The following RHEX variants were observed in gnomAD, a reference collection of about 807,000 sequenced individuals.
RHEX encodes regulator of hemoglobinization and erythroid cell expansion, also known as regulator of hemoglobinization and erythroid cell expansion protein.
RHEX carries 18 observed loss-of-function variants against 20.1 expected under a neutral mutation model. That is an observed-to-expected ratio of 0.90 (90% CI 0.62 to 1.33). The LOEUF is 1.33. Among genes scored for constraint, RHEX ranks in the 40% most tolerant of loss-of-function variants. The probability of loss-of-function intolerance (pLI) is 0.00; values close to 1 mark genes in which losing one functional copy is unlikely to be tolerated. For synonymous variants in RHEX, 87 were observed against 77.1 expected (o/e 1.13, Z -0.67); for missense variants, 192 against 214.3 (o/e 0.90, Z 0.65).
At chr1:206,064,142 G>A (rs1430728267) in intron 1 of RHEX, among the ~76,000 whole-genome samples, 1 of 148,532 alleles carries the variant, frequency 6.7e-6, no homozygotes, top group Non-Finnish European at 1.5e-5. Flanking sequence ...GAAGTGAGGA[G>A]ACCCTCCGCC....
chr1:206,053,365 C>G (rs1553282071), intron 1 of RHEX, 100 bp downstream of exon 1: 1 of 152,710 alleles, frequency 6.5e-6, no homozygotes. Flanking sequence ...CTGGTTTTGA[C>G]TTGACTTAGA....
chr1:206,090,399 G>C (rs1219481544), intron 1 of RHEX, among the ~76,000 whole-genome samples: 1 of 151,548 alleles, frequency 6.6e-6, no homozygotes, highest in Non-Finnish European at 1.5e-5. Flanking sequence ...ATAGAGACAG[G>C]TTTCACCATC....
At chr1:206,081,066 C>G (rs1239613920) in intron 1 of RHEX, among the ~76,000 whole-genome samples, 1 of 152,026 alleles carries the variant, frequency 6.6e-6, no homozygotes, top group Admixed American at 6.6e-5. Flanking sequence ...GTCTCAAACT[C>G]CTGGGCGCAA....
chr1:206,068,821 T>C (rs782220774), intron 1 of RHEX, among the ~76,000 whole-genome samples: 2 of 152,236 alleles, frequency 1.3e-5, no homozygotes, highest in Non-Finnish European at 2.9e-5. Context: ...CTTCAAACTC[T>C]CTTTTATTTC....
At chr1:206,068,712 G>C (rs1662475132) in intron 1 of RHEX, among the ~76,000 whole-genome samples, 1 of 152,220 alleles carries the variant, frequency 6.6e-6, no homozygotes, top group Non-Finnish European at 1.5e-5. Context: ...GTTGACCTCA[G>C]CATAAAACTT....
At chr1:206,058,013 G>A (rs1558167228) in intron 1 of RHEX, among the ~76,000 whole-genome samples, 3 of 152,270 alleles carry the variant, frequency 2.0e-5, no homozygotes, top group East Asian at 1.9e-4. Flanking sequence ...GCAGCTGAAG[G>A]AGGAGTTTGT....
At chr1:206,088,844 A>G (rs1405206116) in intron 1 of RHEX, among the ~76,000 whole-genome samples, 1 of 151,698 alleles carries the variant, frequency 6.6e-6, no homozygotes, top group African/African-American at 2.4e-5. Context: ...TTTTTGAGAC[A>G]GGGTCTCACG....
chr1:206,055,533 ACT>A (rs1553282491), intron 1 of RHEX, among the ~76,000 whole-genome samples: 2 of 152,250 alleles, frequency 1.3e-5, no homozygotes, highest in Admixed American at 6.5e-5. Context: ...GGGTCTTTCA[ACT>A]CTCACATCTA....
At chr1:206,053,702 G>A in intron 1 of RHEX, among the ~76,000 whole-genome samples, 1 of 152,340 alleles carries the variant, frequency 6.6e-6, no homozygotes, top group Middle Eastern at 3.4e-3. Flanking sequence ...AGGTGGGTTG[G>A]CCATCAGAAG....
chr1:206,077,842 A>G (rs1553285434), intron 1 of RHEX, among the ~76,000 whole-genome samples: 1 of 152,192 alleles, frequency 6.6e-6, no homozygotes, highest in African/African-American at 2.4e-5. Flanking sequence ...TTAAGGGCAC[A>G]TCACATTTTT....
chr1:206,101,097 G>C, intron 4 of RHEX, 39 bp from the exon 5 acceptor site: 1 of 1,554,918 alleles, frequency 6.4e-7, no homozygotes, highest in South Asian at 1.1e-5. Context: ...ACACCCTCTG[G>C]CTTGCTTTGG....
At chr1:206,080,666 G>A (rs1411161120) in intron 1 of RHEX, among the ~76,000 whole-genome samples, 5 of 152,056 alleles carry the variant, frequency 3.3e-5, no homozygotes, top group Admixed American at 6.5e-5. Context: ...TCCTACCCTC[G>A]GGGCAGGAGT....
intron 4 of RHEX, 87 bp from the exon 5 acceptor site, chr1:206,101,049 A>G (rs1370220923): frequency 6.6e-6 from 7 of 1,062,264 alleles, no homozygotes; most frequent in Non-Finnish European, 8.3e-6. Context: ...ATCTGATAAT[A>G]AGACAATTCT....
At chr1:206,053,703 C>T (rs1571845931) in intron 1 of RHEX, among the ~76,000 whole-genome samples, 1 of 152,176 alleles carries the variant, frequency 6.6e-6, no homozygotes, top group East Asian at 1.9e-4. Context: ...GGTGGGTTGG[C>T]CATCAGAAGG....
chr1:206,101,538 TC>T (rs1404376848), intron 5 of RHEX, among the ~76,000 whole-genome samples: 1 of 152,216 alleles, frequency 6.6e-6, no homozygotes, highest in Non-Finnish European at 1.5e-5. Context: ...CTCCACCTGC[TC>T]GTCTGTAATC....
intron 1 of RHEX, among the ~76,000 whole-genome samples, chr1:206,056,039 C>T (rs1471723128): frequency 1.3e-5 from 2 of 152,272 alleles, no homozygotes; most frequent in Non-Finnish European, 2.9e-5. Flanking sequence ...CTAATGAATG[C>T]TAGACTAGCT....
chr1:206,058,298 A>G (rs1227679853), intron 1 of RHEX, among the ~76,000 whole-genome samples: 1 of 152,058 alleles, frequency 6.6e-6, no homozygotes, highest in Non-Finnish European at 1.5e-5. Flanking sequence ...GCTTAACCTT[A>G]GTTCACCAAA....
chr1:206,098,000 T>C (rs1553287922), intron 2 of RHEX, 81 bp from the exon 3 acceptor site: 1 of 1,276,802 alleles, frequency 7.8e-7, no homozygotes, highest in African/African-American at 1.5e-5. Context: ...GATGTCTGCC[T>C]CCAGCTAGGA....
In RHEX at chr1:206,091,406, T is replaced by C. The variant is rs544526179; in HGVS notation, c.-96-6327T>C. On this transcript the variant is annotated intron_variant, in intron 1 of 5. Transcript: ENST00000331555. ...AATTTACCATTTTGTCAGATACTGATTATTGGTGCAGTAATCAATACTGCA... is the reference window on the plus strand; with the variant it reads ...AATTTACCATTTTGTCAGATACTGACTATTGGTGCAGTAATCAATACTGCA... 3.3e-5 allele frequency among the ~76,000 whole-genome samples: 5 copies of C among 152,282 alleles called. No homozygotes were observed. The South Asian group carries it at 1.0e-3, about 32-fold the overall frequency.
Sources: gnomAD v4.1 joint callset for allele counts (sites outside exome capture counted in the v4.1 genomes callset) on GRCh38, gnomAD v4.1.1 for gene constraint, MANE v1.5 for transcripts, NCBI Gene and HGNC (gene_info 2026-07-23, HGNC 2026-07-21) for gene names.